Variants in GSE1 observed in about 807,000 individuals in gnomAD.
The protein encoded by GSE1 is genetic suppressor element 1.
Under a neutral mutation model 112.6 loss-of-function variants are expected in GSE1, and 32 were observed. The ratio of observed to expected loss-of-function variants is 0.28; its 90% CI spans 0.21 to 0.38. The LOEUF (loss-of-function observed/expected upper bound fraction) is 0.38, where lower values mean the gene tolerates loss of function less well. Ranked by LOEUF, GSE1 falls within the 10% of genes least tolerant of loss-of-function variation. GSE1 has a pLI of 1.00. For synonymous variants in GSE1, 1,115 were observed against 735.6 expected, an observed-to-expected ratio of 1.52 and a Z score of -8.35; for missense variants, 2,348 against 1,699.2, an observed-to-expected ratio of 1.38 and a Z score of -6.71.
intron 2 of GSE1, among the ~76,000 whole-genome samples, chr16:85,432,608 T>C (rs1037498767): frequency 1.3e-5 from 2 of 152,246 alleles, no homozygotes; most frequent in African/African-American, 4.8e-5. Context: ...GCATATTTTA[T>C]GCCACCTTTG....
intron 1 of GSE1, among the ~76,000 whole-genome samples, chr16:85,253,662 C>G (rs1213633228): frequency 6.6e-6 from 1 of 152,210 alleles, no homozygotes; most frequent in African/African-American, 2.4e-5. Flanking sequence ...GGAAGGACAT[C>G]CCGCCCAGCC....
intron 1 of GSE1, among the ~76,000 whole-genome samples, chr16:85,619,715 C>T (rs1159826886): frequency 1.3e-5 from 2 of 152,134 alleles, no homozygotes; most frequent in African/African-American, 4.8e-5. Flanking sequence ...ACGCCGTGGG[C>T]TGTGCGTCAG....
intron 1 of GSE1, among the ~76,000 whole-genome samples, chr16:85,240,406 G>T (rs931937466): frequency 6.6e-6 from 1 of 152,220 alleles, no homozygotes; most frequent in Non-Finnish European, 1.5e-5. Context: ...CAAGGGGGAG[G>T]GGGGTGGAGT....
chr16:85,433,404 C>T (rs996463789), intron 2 of GSE1, among the ~76,000 whole-genome samples: 12 of 152,148 alleles, frequency 7.9e-5, no homozygotes, highest in African/African-American at 1.2e-4. Flanking sequence ...TCCCTGCCCT[C>T]GGCCAGCCTT....
At chr16:85,321,779 T>G (rs1597387665) in intron 1 of GSE1, among the ~76,000 whole-genome samples, 3 of 146,692 alleles carry the variant, frequency 2.0e-5, no homozygotes, top group African/African-American at 2.5e-5. Context: ...GGTGACAGAG[T>G]GAGAGCCTGT....
intron 2 of GSE1, among the ~76,000 whole-genome samples, chr16:85,647,610 C>T (rs553150222): frequency 1.7e-3 from 256 of 152,204 alleles, no homozygotes; most frequent in Non-Finnish European, 2.7e-3. Flanking sequence ...TGTTTTGAGA[C>T]GAAGTCTCGC....
intron 8 of GSE1, among the ~76,000 whole-genome samples, chr16:85,658,630 C>T (rs1056868304): frequency 6.6e-6 from 1 of 152,232 alleles, no homozygotes; most frequent in Non-Finnish European, 1.5e-5. Context: ...AGCTAAGTCT[C>T]CCTGTGGCTC....
intron 1 of GSE1, among the ~76,000 whole-genome samples, chr16:85,355,850 A>G (rs1051596303): frequency 1.3e-5 from 2 of 152,026 alleles, no homozygotes; most frequent in Admixed American, 6.6e-5. Flanking sequence ...GTGAAACCCC[A>G]TCTCTACTAA....
At chr16:85,624,659 C>T (rs553285593) in intron 1 of GSE1, among the ~76,000 whole-genome samples, 7 of 152,342 alleles carry the variant, frequency 4.6e-5, no homozygotes, top group African/African-American at 7.2e-5. Context: ...ACATGTGACC[C>T]GGGTTGAGGG....
chr16:85,366,550 T>C (rs1421068310), intron 2 of GSE1, among the ~76,000 whole-genome samples: 2 of 152,234 alleles, frequency 1.3e-5, no homozygotes, highest in Non-Finnish European at 2.9e-5. Context: ...TCCTTGTAAG[T>C]GGGTCTCTCC....
intron 2 of GSE1, among the ~76,000 whole-genome samples, chr16:85,364,853 G>A (rs977616688): frequency 6.6e-6 from 1 of 152,212 alleles, no homozygotes; most frequent in Non-Finnish European, 1.5e-5. Context: ...TCTGCTGGGC[G>A]GTTCGTCCAT....
At chr16:85,513,013 G>A (rs576521155) in intron 2 of GSE1, among the ~76,000 whole-genome samples, 3 of 152,266 alleles carry the variant, frequency 2.0e-5, no homozygotes, top group Admixed American at 2.0e-4. Context: ...CCTGAAAACA[G>A]TCCTGTACGC....
chr16:85,315,911 C>T (rs964104589), intron 1 of GSE1, among the ~76,000 whole-genome samples: 1 of 150,998 alleles, frequency 6.6e-6, no homozygotes, highest in African/African-American at 2.5e-5. Context: ...CGCCAGAGCA[C>T]GGTGAAGCCC....
At chr16:85,307,811 A>C (rs953279419) in intron 1 of GSE1, among the ~76,000 whole-genome samples, 3 of 152,224 alleles carry the variant, frequency 2.0e-5, no homozygotes, top group African/African-American at 7.2e-5. Context: ...CTAAGCCCTC[A>C]GGTAAACAAA....
chr16:85,260,201 G>A (rs1478596995), intron 1 of GSE1, among the ~76,000 whole-genome samples: 1 of 152,176 alleles, frequency 6.6e-6, no homozygotes, highest in Non-Finnish European at 1.5e-5. Flanking sequence ...ATGGTACCTG[G>A]ACACCTGACA....
At chr16:85,171,258 C>T (rs755620299) in exon 1 of GSE1, 56 of 985,632 alleles carry the variant, frequency 5.7e-5, no homozygotes, top group Non-Finnish European at 6.6e-5. Flanking sequence ...ACCCTGCCCT[C>T]TCCGAGCTGC....
At chr16:85,307,530 C>T (rs1014294297) in intron 1 of GSE1, among the ~76,000 whole-genome samples, 3 of 152,212 alleles carry the variant, frequency 2.0e-5, no homozygotes, top group Non-Finnish European at 4.4e-5. Flanking sequence ...CAGGAGGGTT[C>T]CCAGCACAGA....
chr16:85,209,585 C>T (rs1052016556), intron 1 of GSE1, among the ~76,000 whole-genome samples: 5 of 152,194 alleles, frequency 3.3e-5, no homozygotes, highest in Non-Finnish European at 7.3e-5. Context: ...CCAGAAACGG[C>T]TTCTGCAGCA....
intron 2 of GSE1, among the ~76,000 whole-genome samples, chr16:85,519,566 A>ACTT (rs1567555849): frequency 0.23 from 8,587 of 37,570 alleles, 3,701 homozygotes; most frequent in African/African-American, 0.29. Flanking sequence ...CACTATCATC[A>ACTT]TCACCATCAC....
Sources: allele counts gnomAD v4.1 joint callset (sites outside exome capture counted in the v4.1 genomes callset), GRCh38; gene constraint gnomAD v4.1.1; transcripts MANE v1.5; gene names NCBI Gene and HGNC (gene_info 2026-07-23, HGNC 2026-07-21).